Variants in CDK2 observed in about 807,000 individuals in gnomAD.
The protein encoded by CDK2 is cyclin dependent kinase 2, also known as cyclin-dependent kinase 2.
In CDK2, 8 loss-of-function variants were observed where a neutral mutation model predicts 35.0. The ratio of observed to expected loss-of-function variants is 0.23; its 90% CI spans 0.13 to 0.41. The LOEUF (loss-of-function observed/expected upper bound fraction) is 0.41. Among genes scored for constraint, CDK2 ranks in the 10% least tolerant of loss-of-function variants. The pLI is 1.00. For synonymous variants in CDK2, 134 were observed against 137.7 expected (o/e 0.97, Z 0.19); for missense variants, 201 against 367.1 (o/e 0.55, Z 3.70).
intron 5 of CDK2, chr12:55,970,477 T>C: frequency 1.7e-6 from 1 of 605,266 alleles, no homozygotes; most frequent in Non-Finnish European, 3.0e-6. Context: ...TTTATCTTGG[T>C]TGTAACCAAG....
rs1889494447 is a variant in CDK2 at position 55,972,152 on chromosome 12, G to GT, written c.*531dup. 1 of 152,670 alleles carries GT rather than the reference G, an allele frequency of 6.6e-6. No individual in the cohort carries two copies. Among genetic ancestry groups the GT allele is most frequent in the East Asian group, 1.9e-4 (1 of 5,202 alleles). 9.5% of individuals were successfully genotyped at this position (152,670 alleles called of 1,614,324 possible). A position where few individuals can be genotyped will look rare whatever the true frequency, so the allele number is the denominator to read the frequency against. ...CCAATCAGTTTATACCCTAGTTAGT[G>GT]TTTTGCCTCACCTAATAGGCTGGGA... On this transcript the variant is annotated 3_prime_UTR_variant, in exon 7 of 7. Transcript: ENST00000266970.
In CDK2 at chr12:55,966,932, G is replaced by A; in HGVS notation, c.-77G>A. 8.1e-7 allele frequency: 1 copy of A among 1,236,686 alleles called. No homozygotes were observed. The highest frequency in any genetic ancestry group is 1.3e-5 in the South Asian group (1 of 78,372). 76.6% of individuals were successfully genotyped at this position (1,236,686 alleles called of 1,614,324 possible). A position where few individuals can be genotyped will look rare whatever the true frequency, so the allele number is the denominator to read the frequency against. On this transcript the variant is annotated 5_prime_UTR_variant, in exon 1 of 7. Coordinates refer to ENST00000266970, the MANE Select transcript of CDK2 (RefSeq NM_001798.5). ...CCCTGTTTCCCCCTCCTCGGCCCCC[G>A]AGAGCCAGGGTCCGCCTTCTGCAGG...
Position 55,968,086 on chromosome 12 carries a change from C to G in CDK2, c.232C>G (p.Leu78Val). Residue 78 changes from leucine (L) to valine (V), a missense_variant, in exon 3 of 7, where the codon CTG (leucine) becomes GTG (valine). Physicochemically the swap from Leu to Val is conservative, Grantham distance 32. Transcript: ENST00000266970. Reference sequence around the variant, plus strand: ...CATTCACACAGAAAATAAACTCTACCTGGTTTTTGAATTTCTGCACCAAGA... The same window carrying G: ...CATTCACACAGAAAATAAACTCTACGTGGTTTTTGAATTTCTGCACCAAGA... ...DVIHTENKLY[L>V]VFEFLHQDLK... is the part of the protein sequence containing the mutation. 1 of 1,614,072 alleles carries G rather than the reference C, an allele frequency of 6.2e-7. No individual in the cohort carries two copies. The highest frequency in any genetic ancestry group is 8.5e-7 in the Non-Finnish European group (1 of 1,180,018).
At position 55,970,960 on chromosome 12, in the gene CDK2, T is replaced by G. The variant is rs747828094; in HGVS notation, c.589-84T>G. 2.5e-6 allele frequency: 3 copies of G among 1,188,970 alleles called. No homozygotes were observed. In the South Asian group the frequency reaches 3.6e-5, roughly 14 times the overall value. The allele number at this position is 1,188,970 out of a possible 1,614,324, so 73.7% of individuals were successfully genotyped here. A position where few individuals can be genotyped will look rare whatever the true frequency, so the allele number is the denominator to read the frequency against. On this transcript the variant is annotated intron_variant, in intron 5 of 6. Coordinates refer to ENST00000266970, the MANE Select transcript of CDK2 (RefSeq NM_001798.5). ...TCATGGGGCCCTGCTGACCTTTTAC[T>G]GTCTGTGGGAACTCCTTTGTATAGA... is the stretch of plus-strand genomic sequence containing the variant.
intron 5 of CDK2, 50 bp downstream of exon 5, chr12:55,969,626 C>A (rs775397565): frequency 1.9e-6 from 2 of 1,032,510 alleles, no homozygotes; most frequent in Non-Finnish European, 1.5e-6. Context: ...CTCCTCCCCA[C>A]ATCCAAGAAC....
chr12:55,968,271 C>G (rs1889387378), intron 3 of CDK2, 102 bp downstream of exon 3: 2 of 1,197,816 alleles, frequency 1.7e-6, no homozygotes, highest in Admixed American at 1.9e-5. Context: ...CTTCTGAGCC[C>G]TCATCTCCTA....
chr12:55,968,695 T>G, intron 3 of CDK2, 83 bp from the exon 4 acceptor site: 1 of 1,009,998 alleles, frequency 9.9e-7, no homozygotes, highest in Non-Finnish European at 1.4e-6. Flanking sequence ...AATAAAGGCT[T>G]TAGTAGAGTT....
At chr12:55,970,556 G>C in intron 5 of CDK2, 2 of 697,798 alleles carry the variant, frequency 2.9e-6, no homozygotes, top group Non-Finnish European at 2.6e-6. Context: ...CCTTACAATT[G>C]TCCGTATTCC....
Position 55,970,720 on chromosome 12 carries a change from C to T in CDK2, c.589-324C>T, listed in dbSNP as rs114892372. ...CTGCATCACAAGGTTGGGGGATGACCGCAGTGTCTACCCCCTACCCCGTGA... is the reference window on the plus strand; with the variant it reads ...CTGCATCACAAGGTTGGGGGATGACTGCAGTGTCTACCCCCTACCCCGTGA... On this transcript the variant is annotated intron_variant, in intron 5 of 6. Coordinates refer to ENST00000266970, the MANE Select transcript of CDK2 (RefSeq NM_001798.5). 823 of 701,890 alleles carry T rather than the reference C, an allele frequency of 1.2e-3. 8 individuals carry two copies. The African/African-American group carries it at 0.013, about 11-fold the overall frequency. The allele number at this position is 701,890 out of a possible 1,614,324, so 43.5% of individuals were successfully genotyped here.
At chr12:55,967,502 C>G in intron 1 of CDK2, 1 of 429,848 alleles carries the variant, frequency 2.3e-6, no homozygotes. Context: ...CTGCCCCACC[C>G]TCACCTTAGA....
intron 5 of CDK2, chr12:55,970,730 A>G (rs774541624): frequency 8.4e-5 from 59 of 701,202 alleles, no homozygotes; most frequent in Non-Finnish European, 1.2e-4. Context: ...CGCAGTGTCT[A>G]CCCCCTACCC....
In CDK2 at chr12:55,971,139, A is replaced by G. The variant is rs761033274; in HGVS notation, c.684A>G (p.Pro228=). ...TLGTPDEVVW[P]GVTSMPDYKP... ...GGACCCCAGATGAGGTGGTGTGGCCAGGAGTTACTTCTATGCCTGATTACA... is the reference window on the plus strand; with the variant it reads ...GGACCCCAGATGAGGTGGTGTGGCCGGGAGTTACTTCTATGCCTGATTACA... Residue 228 remains proline, a synonymous_variant, in exon 6 of 7, where the codon CCA becomes CCG. Coordinates refer to ENST00000266970, the MANE Select transcript of CDK2 (RefSeq NM_001798.5). 1 of 1,614,138 alleles carries G rather than the reference A, an allele frequency of 6.2e-7. No homozygotes were observed. The highest frequency in any genetic ancestry group is 8.5e-7 in the Non-Finnish European group (1 of 1,180,018).
At position 55,971,056 on chromosome 12, in the gene CDK2, G is replaced by C; in HGVS notation, c.601G>C (p.Ala201Pro). 2 of 1,614,070 alleles carry C rather than the reference G, an allele frequency of 1.2e-6. No individual in the cohort carries two copies. Among genetic ancestry groups the C allele is most frequent in the Non-Finnish European group, 1.7e-6 (2 of 1,179,972 alleles). Residue 201 changes from alanine to proline, a missense_variant, in exon 6 of 7, where the codon GCC becomes CCC. Physicochemically the swap from Ala to Pro is conservative, Grantham distance 27 (BLOSUM62 -1). Around this residue, in one of 5 missense-constraint regions of CDK2, gnomAD observed 106 missense variants for 141.3 expected, o/e 0.75. Coordinates refer to ENST00000266970, the MANE Select transcript of CDK2 (RefSeq NM_001798.5). ...TCCCCATTTTCAGGTGACTCGCCGG[G>C]CCCTATTCCCTGGAGATTCTGAGAT... ...CIFAEMVTRRALFPGDSEIDQ... is the reference protein window; with the variant it reads ...CIFAEMVTRRPLFPGDSEIDQ...
chr12:55,967,942 T>C lies in CDK2; in HGVS notation c.194+8T>C. 6.2e-7 allele frequency: 1 copy of C among 1,613,976 alleles called. No individual in the cohort carries two copies. Among genetic ancestry groups the C allele is most frequent in the Non-Finnish European group, 8.5e-7 (1 of 1,179,846 alleles). ...CCATCCTAATATTGTCAAGTAAGTA[T>C]GCGTCTGAGAGGTGATCCAGCTGGA... is the stretch of plus-strand genomic sequence containing the variant. On this transcript the variant is annotated splice_region_variant and intron_variant, in intron 2 of 6. Coordinates refer to ENST00000266970, the MANE Select transcript of CDK2 (RefSeq NM_001798.5).
In CDK2 at chr12:55,971,709, T is replaced by C. The variant is rs1889481694; in HGVS notation, c.*84T>C. On this transcript the variant is annotated 3_prime_UTR_variant, in exon 7 of 7. Transcript: ENST00000266970. ...AGGCTTGGCCTTGGGCTATTTGGAC[T>C]CAGGTGGGCCCTCTGAACTTGCCTT... is the stretch of plus-strand genomic sequence containing the variant. The C allele has an allele frequency of 8.1e-6, 8 of 981,602 alleles. No homozygotes were observed. The highest frequency in any genetic ancestry group is 1.1e-5 in the Non-Finnish European group (7 of 621,272). The allele number at this position is 981,602 out of a possible 1,614,324, so 60.8% of individuals were successfully genotyped here. A position where few individuals can be genotyped will look rare whatever the true frequency, so the allele number is the denominator to read the frequency against.
rs1313529213 is a variant in CDK2, at chr12:55,971,276, T to G, written c.792+29T>G. On this transcript the variant is annotated intron_variant, in intron 6 of 6. Transcript: ENST00000266970. ...AGAGTGGGCACCTGTTTTCCCTCATTCATTTCTCCCAGGGAAGGGCTTTTC... is the reference window on the plus strand; with the variant it reads ...AGAGTGGGCACCTGTTTTCCCTCATGCATTTCTCCCAGGGAAGGGCTTTTC... 4.4e-6 allele frequency: 7 copies of G among 1,600,464 alleles called. No homozygotes were observed. In the South Asian group the frequency reaches 7.7e-5, roughly 18 times the overall value.
chr12:55,968,215 G>A (rs1386526041), intron 3 of CDK2, 46 bp downstream of exon 3: 3 of 1,606,310 alleles, frequency 1.9e-6, no homozygotes, highest in East Asian at 4.5e-5. Flanking sequence ...TGTCTTGGGG[G>A]ACTGGTGGCA....
intron 1 of CDK2, chr12:55,967,600 A>G (rs894870528): frequency 1.9e-6 from 1 of 531,752 alleles, no homozygotes; most frequent in African/African-American, 1.9e-5. Context: ...TTTCCCCTCC[A>G]TTACAGTCTC....
At chr12:55,967,696 C>T in intron 1 of CDK2, 161 bp from the exon 2 acceptor site, 1 of 636,108 alleles carries the variant, frequency 1.6e-6, no homozygotes, top group South Asian at 1.9e-5. Flanking sequence ...AAAACCACAC[C>T]CTGACTACCC....
Sources: allele counts gnomAD v4.1 joint callset, GRCh38; gene constraint gnomAD v4.1.1; regional missense constraint gnomAD v4.1.1; transcripts MANE v1.5; gene names NCBI Gene and HGNC (gene_info 2026-07-23, HGNC 2026-07-21).